The following CPED1 variants were observed in gnomAD, a reference collection of about 807,000 sequenced individuals.
CPED1 encodes the protein cadherin like and PC-esterase domain containing 1.
CPED1 carries 114 observed loss-of-function variants against 128.2 expected under a neutral mutation model. The ratio of observed to expected loss-of-function variants is 0.89; its 90% CI spans 0.76 to 1.04. CPED1 has a LOEUF of 1.04. CPED1 is among the 50% of genes least tolerant of loss of function. The pLI, the probability that CPED1 is intolerant of heterozygous loss-of-function variation, is 0.00. For synonymous variants in CPED1, 462 were observed against 426.7 expected (o/e 1.08, Z -1.02); for missense variants, 1,211 against 1,207.1 (o/e 1.00, Z -0.05).
chr7:121,070,631 G>A (rs936751974), intron 5 of CPED1, among the ~76,000 whole-genome samples: 2 of 151,998 alleles, frequency 1.3e-5, no homozygotes, highest in Non-Finnish European at 2.9e-5. Context: ...TTTCTAATTG[G>A]TAGAATTTCT....
chr7:121,150,386 CT>C (rs1279304333), intron 16 of CPED1, among the ~76,000 whole-genome samples: 12 of 151,980 alleles, frequency 7.9e-5, no homozygotes, highest in Admixed American at 4.6e-4. Context: ...TGATTTCATT[CT>C]TTTTTTATGG....
At chr7:121,241,702 C>T (rs1469263838) in intron 17 of CPED1, among the ~76,000 whole-genome samples, 1 of 152,122 alleles carries the variant, frequency 6.6e-6, no homozygotes, top group Non-Finnish European at 1.5e-5. Flanking sequence ...TTCATGGACC[C>T]TTCCAGAAAA....
chr7:121,135,003 T>C (rs1432462833), intron 13 of CPED1, among the ~76,000 whole-genome samples: 7 of 152,038 alleles, frequency 4.6e-5, no homozygotes, highest in Non-Finnish European at 8.8e-5. Flanking sequence ...CAAATTAAGC[T>C]AGAGTCATCA....
intron 18 of CPED1, among the ~76,000 whole-genome samples, 178 bp downstream of exon 18, chr7:121,244,516 C>A (rs939810888): frequency 1.3e-5 from 2 of 152,184 alleles, no homozygotes; most frequent in Non-Finnish European, 2.9e-5. Flanking sequence ...CTGAACAATT[C>A]CCGCTCCAAA....
At chr7:121,248,961 A>G (rs1279592206) in intron 18 of CPED1, among the ~76,000 whole-genome samples, 1 of 152,224 alleles carries the variant, frequency 6.6e-6, no homozygotes, top group Non-Finnish European at 1.5e-5. Flanking sequence ...CAAAGATGAA[A>G]TAGCCATTTT....
At chr7:121,068,306 G>A (rs1261667047) in intron 5 of CPED1, among the ~76,000 whole-genome samples, 4 of 152,124 alleles carry the variant, frequency 2.6e-5, no homozygotes, top group Non-Finnish European at 5.9e-5. Flanking sequence ...GTATAAGGAA[G>A]GGATCCAGTT....
At chr7:121,149,672 A>G (rs1796107475) in intron 16 of CPED1, 1 of 152,128 alleles carries the variant, frequency 6.6e-6, no homozygotes, top group Admixed American at 6.5e-5. Flanking sequence ...GTATTCCCTC[A>G]TTGTTGCTTC....
At chr7:121,212,118 A>G (rs1278598528) in intron 16 of CPED1, among the ~76,000 whole-genome samples, 2 of 152,002 alleles carry the variant, frequency 1.3e-5, no homozygotes, top group African/African-American at 4.8e-5. Flanking sequence ...ATAACTGACA[A>G]TATCAGAGCC....
At chr7:121,083,328 T>G (rs533572646) in intron 5 of CPED1, among the ~76,000 whole-genome samples, 2 of 152,234 alleles carry the variant, frequency 1.3e-5, no homozygotes, top group African/African-American at 4.8e-5. Flanking sequence ...TCCAGAATAA[T>G]AGTGACCCCC....
intron 6 of CPED1, among the ~76,000 whole-genome samples, chr7:121,099,013 G>A (rs1794774023): frequency 6.6e-6 from 1 of 150,452 alleles, no homozygotes; most frequent in Admixed American, 6.6e-5. Context: ...AGCCTGAGGT[G>A]TTTTTTTAAT....
chr7:120,998,052 A>G (rs890903333), intron 2 of CPED1, among the ~76,000 whole-genome samples: 2 of 152,206 alleles, frequency 1.3e-5, no homozygotes, highest in Non-Finnish European at 2.9e-5. Context: ...TTGAAGGCAG[A>G]GATTGGAGTC....
chr7:121,027,237 A>G (rs1792615210), intron 3 of CPED1, among the ~76,000 whole-genome samples: 1 of 151,944 alleles, frequency 6.6e-6, no homozygotes, highest in African/African-American at 2.4e-5. Context: ...CTCATCACAC[A>G]TTATTCATAT....
intron 3 of CPED1, among the ~76,000 whole-genome samples, chr7:121,025,781 A>G (rs980083690): frequency 6.6e-6 from 1 of 152,082 alleles, no homozygotes; most frequent in Non-Finnish European, 1.5e-5. Flanking sequence ...TGTACTCTGC[A>G]AATGCAATAT....
chr7:121,282,812 C>T (rs538020117), intron 22 of CPED1, among the ~76,000 whole-genome samples: 8 of 152,270 alleles, frequency 5.3e-5, no homozygotes, highest in Admixed American at 2.6e-4. Context: ...TCATTTCATT[C>T]TTGTTCTTAC....
chr7:121,074,855 A>G (rs896404637), intron 5 of CPED1, among the ~76,000 whole-genome samples: 3 of 152,144 alleles, frequency 2.0e-5, no homozygotes, highest in Non-Finnish European at 2.9e-5. Flanking sequence ...TGCATTTTCA[A>G]TACAAGATAA....
intron 4 of CPED1, chr7:121,050,342 C>G (rs1314086969): frequency 6.5e-6 from 1 of 153,698 alleles, no homozygotes; most frequent in Non-Finnish European, 1.4e-5. Context: ...AAATTCTATA[C>G]TTATCACATG....
chr7:121,223,817 T>C (rs185542566), intron 16 of CPED1, among the ~76,000 whole-genome samples: 3,109 of 152,128 alleles, frequency 0.02, 95 homozygotes, highest in African/African-American at 0.071. Context: ...CCCTTTATCA[T>C]TTTTTATTGT....
In CPED1 at chr7:121,124,467, TC is replaced by T; in HGVS notation, c.1057del (p.His353IlefsTer10). 6.8e-7 allele frequency: 1 copy of T among 1,476,196 alleles called. No homozygotes were observed. Among genetic ancestry groups the T allele is most frequent in the Non-Finnish European group, 9.0e-7 (1 of 1,111,698 alleles). 91.4% of individuals were successfully genotyped at this position (1,476,196 alleles called of 1,614,324 possible). A position where few individuals can be genotyped will look rare whatever the true frequency, so the allele number is the denominator to read the frequency against. Reference sequence around the variant, plus strand: ...ACATCTACTCTGGGACCAAAGACCTTCCATAGGTAAAAAACAAATTTTAATT... The same window carrying T: ...ACATCTACTCTGGGACCAAAGACCTTCATAGGTAAAAAACAAATTTTAATT... ...SETSTLGPKT[F>X]HRCRFCFQLL... is the part of the protein sequence containing the mutation. On this transcript the variant is annotated frameshift_variant, in exon 8 of 23. Transcript: ENST00000310396. LOFTEE classifies it high-confidence loss of function.
intron 14 of CPED1, among the ~76,000 whole-genome samples, chr7:121,138,549 C>T (rs774514372): frequency 1.1e-4 from 16 of 152,026 alleles, no homozygotes; most frequent in East Asian, 1.9e-4. Flanking sequence ...CTGAAGAGAA[C>T]GATTGCACAT....
Sources: gnomAD v4.1 joint callset for allele counts (sites outside exome capture counted in the v4.1 genomes callset) on GRCh38, gnomAD v4.1.1 for gene constraint, MANE v1.5 for transcripts, NCBI Gene and HGNC (gene_info 2026-07-23, HGNC 2026-07-21) for gene names.